Variants in METTL16 observed in about 807,000 individuals in gnomAD.
The protein encoded by METTL16 is RNA N(6)-adenosine-methyltransferase METTL16.
Under a neutral mutation model 57.9 loss-of-function variants are expected in METTL16, and 19 were observed. The ratio of observed to expected loss-of-function variants is 0.33; its 90% CI spans 0.23 to 0.48. METTL16 has a LOEUF of 0.48. METTL16 is among the 20% of genes least tolerant of loss of function. The pLI, the probability that METTL16 is intolerant of heterozygous loss-of-function variation, is 0.99. For missense variants in METTL16, 434 were observed against 691.5 expected, an observed-to-expected ratio of 0.63 and a Z score of 4.18; for synonymous variants, 246 against 255.6, an observed-to-expected ratio of 0.96 and a Z score of 0.36.
chr17:2,492,187 G>A (rs956539053), intron 2 of METTL16, among the ~76,000 whole-genome samples: 1 of 152,122 alleles, frequency 6.6e-6, no homozygotes, highest in East Asian at 1.9e-4. Flanking sequence ...CTCCAGCCTG[G>A]GCGACAGAGC....
In METTL16 at chr17:2,491,792, A is replaced by G. The variant is rs185509563; in HGVS notation, c.128+10412T>C. Among the ~76,000 whole-genome samples, 722 of 139,002 alleles carry G rather than the reference A, an allele frequency of 5.2e-3. 3 individuals carry two copies. Among genetic ancestry groups the G allele is most frequent in the East Asian group, 0.016 (77 of 4,696 alleles). The allele number at this position is 139,002 out of a possible 152,430, so 91.2% of individuals were successfully genotyped here. On this transcript the variant is annotated intron_variant, in intron 2 of 9. Coordinates refer to ENST00000263092, the MANE Select transcript of METTL16 (RefSeq NM_024086.4). ...CCGGAGGCTGAGGCAGGAGAATGGC[A>G]TGAACCTGGGAGGCAGAGCTTGCAG...
chr17:2,479,330 C>CTTTTT (rs34609847), intron 2 of METTL16, among the ~76,000 whole-genome samples: 1 of 105,576 alleles, frequency 9.5e-6, no homozygotes, highest in Admixed American at 1.1e-4. Context: ...CCACACTAAG[C>CTTTTT]TTTTTTTTTT....
intron 2 of METTL16, among the ~76,000 whole-genome samples, chr17:2,491,681 C>T (rs551194194): frequency 1.5e-4 from 23 of 151,604 alleles, no homozygotes; most frequent in East Asian, 5.8e-4. Context: ...GGAGACCATC[C>T]TGGCTAACAC....
intron 8 of METTL16, among the ~76,000 whole-genome samples, chr17:2,429,690 C>T (rs1362906621): frequency 6.6e-6 from 1 of 151,988 alleles, no homozygotes; most frequent in Non-Finnish European, 1.5e-5. Flanking sequence ...CATGAAGACA[C>T]AATCTAACAT....
chr17:2,474,215 TAAAAG>T (rs1213521120), intron 3 of METTL16, among the ~76,000 whole-genome samples: 6 of 152,118 alleles, frequency 3.9e-5, no homozygotes, highest in Admixed American at 3.3e-4. Context: ...TCAATTTTCT[TAAAAG>T]AAAACAATGC....
At chr17:2,490,983 ATTGTTAGACT>A (rs1389322976) in intron 2 of METTL16, among the ~76,000 whole-genome samples, 1 of 152,200 alleles carries the variant, frequency 6.6e-6, no homozygotes, top group Non-Finnish European at 1.5e-5. Context: ...TGAAGAGCTG[ATTGTTAGACT>A]TTGTTGTTTA....
chr17:2,499,901 C>T (rs1567907162), intron 2 of METTL16, among the ~76,000 whole-genome samples: 1 of 152,124 alleles, frequency 6.6e-6, no homozygotes, highest in Non-Finnish European at 1.5e-5. Context: ...CTATAGTGTG[C>T]ATCACCACAC....
At position 2,433,538 on chromosome 17, in the gene METTL16, C is replaced by T. The variant is rs902316871; in HGVS notation, c.888+4571G>A. On this transcript the variant is annotated intron_variant, in intron 8 of 9. Transcript: ENST00000263092. Reference sequence around the variant, plus strand: ...GGCCAGGCCAGGAACAACATAGGGCCGTGGCGGGCAGAGTGTCAGAGTGAC... The same window carrying T: ...GGCCAGGCCAGGAACAACATAGGGCTGTGGCGGGCAGAGTGTCAGAGTGAC... 3.3e-5 allele frequency among the ~76,000 whole-genome samples: 5 copies of T among 152,102 alleles called. No individual in the cohort carries two copies. In the South Asian group the frequency reaches 6.2e-4, roughly 19 times the overall value.
In METTL16 at chr17:2,417,873, TACTG is replaced by T. The variant is rs994165223; in HGVS notation, c.*2093_*2096del. 1.6e-4 allele frequency: 24 copies of T among 152,186 alleles called. No individual in the cohort carries two copies. Among genetic ancestry groups the T allele is most frequent in the Admixed American group, 1.5e-3 (23 of 15,278 alleles). 9.4% of individuals were successfully genotyped at this position (152,186 alleles called of 1,614,324 possible). A position where few individuals can be genotyped will look rare whatever the true frequency, so the allele number is the denominator to read the frequency against. ...AAGCAAACAATAAGTACTTACTACT[TACTG>T]AATGAATAGTTGCCACTTAAACAAT... On this transcript the variant is annotated 3_prime_UTR_variant, in exon 10 of 10. Transcript: ENST00000263092.
intron 4 of METTL16, among the ~76,000 whole-genome samples, chr17:2,471,854 C>T (rs569305941): frequency 4.0e-4 from 61 of 152,178 alleles, no homozygotes; most frequent in African/African-American, 1.3e-3. Context: ...TAGCTCATGT[C>T]TATCATTCCA....
intron 8 of METTL16, among the ~76,000 whole-genome samples, chr17:2,432,342 T>C (rs1019073093): frequency 2.0e-5 from 3 of 151,942 alleles, no homozygotes; most frequent in Non-Finnish European, 2.9e-5. Flanking sequence ...CCGAGGAAGG[T>C]GGATCACTTG....
At chr17:2,442,196 C>T (rs1024248327) in intron 6 of METTL16, among the ~76,000 whole-genome samples, 1 of 152,178 alleles carries the variant, frequency 6.6e-6, no homozygotes, top group Non-Finnish European at 1.5e-5. Flanking sequence ...ATGGGAATTG[C>T]CCTTCCACCA....
intron 6 of METTL16, among the ~76,000 whole-genome samples, chr17:2,463,576 G>A (rs764446810): frequency 4.6e-5 from 7 of 151,794 alleles, no homozygotes; most frequent in East Asian, 3.9e-4. Context: ...ATTCTCCTGC[G>A]TCAGCCTCCC....
chr17:2,481,453 G>C (rs2067305851), intron 2 of METTL16, among the ~76,000 whole-genome samples: 1 of 152,050 alleles, frequency 6.6e-6, no homozygotes, highest in South Asian at 2.1e-4. Context: ...AGAAGAGAAA[G>C]GGATACAGCA....
intron 6 of METTL16, among the ~76,000 whole-genome samples, chr17:2,463,625 C>A (rs1037314814): frequency 6.6e-6 from 1 of 151,838 alleles, no homozygotes. Flanking sequence ...CCACACCCAG[C>A]TCATTTTTAT....
chr17:2,448,799 A>ATT (rs1555617300), intron 6 of METTL16, among the ~76,000 whole-genome samples: 65 of 77,152 alleles, frequency 8.4e-4, no homozygotes, highest in Non-Finnish European at 1.5e-3. Flanking sequence ...TAAAAATAAA[A>ATT]TTTAAAAAAA....
chr17:2,448,802 T>TAAAAAAAAAA (rs71150866), intron 6 of METTL16, among the ~76,000 whole-genome samples: 12 of 43,606 alleles, frequency 2.8e-4, no homozygotes, highest in East Asian at 6.4e-4. Flanking sequence ...AAATAAAATT[T>TAAAAAAAAAA]AAAAAAAAAA....
chr17:2,497,086 A>T lies in METTL16; in HGVS notation c.128+5118T>A, dbSNP rs1454106249. Among the ~76,000 whole-genome samples the T allele has an allele frequency of 3.3e-5, 5 of 151,042 alleles. 1 individual carries two copies. Among genetic ancestry groups the T allele is most frequent in the African/African-American group, 1.2e-4 (5 of 40,622 alleles). ...AGTGGCACAATCTCGGCTCACTGCAACCTCCACCTCCTGGGTTCAAGCGAT... is the reference window on the plus strand; with the variant it reads ...AGTGGCACAATCTCGGCTCACTGCATCCTCCACCTCCTGGGTTCAAGCGAT... On this transcript the variant is annotated intron_variant, in intron 2 of 9. Coordinates refer to ENST00000263092, the MANE Select transcript of METTL16 (RefSeq NM_024086.4).
chr17:2,461,150 C>T (rs574653933), intron 6 of METTL16, among the ~76,000 whole-genome samples: 9 of 152,104 alleles, frequency 5.9e-5, no homozygotes, highest in East Asian at 1.9e-4. Flanking sequence ...GTCAAGACTT[C>T]GAGACCAGCC....
Sources: gnomAD v4.1 joint callset for allele counts (sites outside exome capture counted in the v4.1 genomes callset) on GRCh38, gnomAD v4.1.1 for gene constraint, MANE v1.5 for transcripts, NCBI Gene and HGNC (gene_info 2026-07-23, HGNC 2026-07-21) for gene names.